PSG3: variants seen among roughly 807,000 people sequenced by gnomAD.
The protein encoded by PSG3 is pregnancy-specific beta-1-glycoprotein 3.
A neutral mutation model predicts 47.5 loss-of-function variants in PSG3; 61 were observed. That is an observed-to-expected ratio of 1.28 (90% confidence interval 1.05 to 1.59). The LOEUF is 1.59. PSG3 is among the 40% of genes most tolerant of loss of function. The pLI is 0.00. For missense variants in PSG3, 756 were observed against 524.0 expected, an observed-to-expected ratio of 1.44 and a Z score of -4.32; for synonymous variants, 263 against 198.4, an observed-to-expected ratio of 1.33 and a Z score of -2.74.
Position 42,729,143 on chromosome 19 carries a change from G to A in PSG3, c.1223C>T (p.Ser408Phe), listed in dbSNP as rs374603147. 3 of 1,614,018 alleles carry A rather than the reference G, an allele frequency of 1.9e-6. No homozygotes were observed. In the East Asian group the frequency reaches 6.7e-5, roughly 36 times the overall value. ...CTTACCAGAGACTTTGACTGTCATG[G>A]ATTTGGAGCTTTCCATGCCAGTGGC... ...NSATGMESSK[S>F]MTVKVSAPSG... Residue 408 changes from serine to phenylalanine, a missense_variant, in exon 5 of 7, where the codon TCC (serine) becomes TTC (phenylalanine). Coordinates refer to ENST00000327495, the MANE Select transcript of PSG3 (RefSeq NM_021016.4).
Position 42,739,081 on chromosome 19 carries a change from A to T in PSG3, c.73T>A (p.Leu25Ile), listed in dbSNP as rs754625817. The T allele has an allele frequency of 6.2e-7, 1 of 1,602,638 alleles. No individual in the cohort carries two copies. The highest frequency in any genetic ancestry group is 1.7e-5 in the Admixed American group (1 of 59,888). Residue 25 changes from leucine to isoleucine, a missense_variant, in exon 2 of 7, where the codon TTA (leucine) becomes ATA (isoleucine). Coordinates refer to ENST00000327495, the MANE Select transcript of PSG3 (RefSeq NM_021016.4). Reference protein sequence around the residue: ...WKGLLLTALLLNFWNLPTTAQ... With the variant: ...WKGLLLTALLINFWNLPTTAQ... ...GTGGTAGGCAAGTTCCAGAAGTTTA[A>T]AAGTAATGCTAGGAGGTGGAGAGAG...
At chr19:42,738,489 C>T (rs968950554) in intron 2 of PSG3, among the ~76,000 whole-genome samples, 3 of 152,174 alleles carry the variant, frequency 2.0e-5, no homozygotes, top group Non-Finnish European at 2.9e-5. Flanking sequence ...CTGCTGAGTC[C>T]CCCCATCAGA....
chr19:42,727,410 C>G (rs989006457), intron 5 of PSG3, among the ~76,000 whole-genome samples: 1 of 152,152 alleles, frequency 6.6e-6, no homozygotes, highest in Non-Finnish European at 1.5e-5. Context: ...AAGTCAACAA[C>G]AGCAAACATC....
At chr19:42,733,396 C>T (rs891062433) in intron 2 of PSG3, 29 of 364,548 alleles carry the variant, frequency 8.0e-5, no homozygotes, top group South Asian at 3.7e-4. Flanking sequence ...CCTTGTGGTC[C>T]TCACTTGGAG....
At chr19:42,736,691 A>T (rs1375447011) in intron 2 of PSG3, among the ~76,000 whole-genome samples, 1 of 149,324 alleles carries the variant, frequency 6.7e-6, no homozygotes, top group East Asian at 2.0e-4. Context: ...TCTGGCAATT[A>T]TAAGAGTGGA....
chr19:42,731,089 T>C (rs1969465788), intron 3 of PSG3, among the ~76,000 whole-genome samples: 1 of 152,180 alleles, frequency 6.6e-6, no homozygotes, highest in South Asian at 2.1e-4. Flanking sequence ...AGACTGCTGG[T>C]TGCCAGGAGC....
At chr19:42,736,405 A>G (rs1366049584) in intron 2 of PSG3, among the ~76,000 whole-genome samples, 1 of 152,160 alleles carries the variant, frequency 6.6e-6, no homozygotes, top group Non-Finnish European at 1.5e-5. Context: ...AAGCACAAAC[A>G]GATCATTTCC....
Position 42,732,766 on chromosome 19 carries a change from G to C in PSG3, c.709+18C>G, listed in dbSNP as rs1372280910. 3.1e-5 allele frequency: 50 copies of C among 1,614,072 alleles called. No homozygotes were observed. The highest frequency in any genetic ancestry group is 7.7e-5 in the South Asian group (7 of 91,080). The stretch of plus-strand genomic sequence containing the variant: ...TTGGGATGGCAGACTGGCTCACAGA[G>C]GAACAGGAGATACTCACGGAGGAGA... On this transcript the variant is annotated intron_variant, in intron 3 of 6. Transcript: ENST00000327495.
chr19:42,737,657 C>T (rs1969588472), intron 2 of PSG3, among the ~76,000 whole-genome samples: 1 of 152,120 alleles, frequency 6.6e-6, no homozygotes, highest in Non-Finnish European at 1.5e-5. Context: ...AGGATTTGAG[C>T]CAATAAATGA....
chr19:42,731,177 C>T (rs1280989405), intron 3 of PSG3, among the ~76,000 whole-genome samples: 1 of 152,164 alleles, frequency 6.6e-6, no homozygotes, highest in Non-Finnish European at 1.5e-5. Flanking sequence ...TAGAGATCTG[C>T]TGTAGAGCTT....
chr19:42,722,506 G>A (rs1040584403), intron 6 of PSG3, among the ~76,000 whole-genome samples: 45 of 152,088 alleles, frequency 3.0e-4, no homozygotes, highest in African/African-American at 9.9e-4. Context: ...CGCCCACCTC[G>A]GCCTCCCAAA....
Position 42,721,757 on chromosome 19 carries a change from A to G in PSG3, c.*374T>C, listed in dbSNP as rs1969303351. 5.0e-6 allele frequency: 2 copies of G among 400,232 alleles called. No individual in the cohort carries two copies. Among genetic ancestry groups the G allele is most frequent in the Non-Finnish European group, 4.5e-6 (1 of 222,580 alleles). The allele number at this position is 400,232 out of a possible 1,614,324, so 24.8% of individuals were successfully genotyped here. On this transcript the variant is annotated 3_prime_UTR_variant, in exon 7 of 7. Transcript: ENST00000327495. The stretch of plus-strand genomic sequence containing the variant: ...TGTTTCAATTTTTGTTTACAAAAGT[A>G]TACTTTACCAATTGCTGAAGAAAAA...
chr19:42,737,208 T>G (rs747603326), intron 2 of PSG3, among the ~76,000 whole-genome samples: 28 of 151,958 alleles, frequency 1.8e-4, no homozygotes, highest in Admixed American at 1.5e-3. Flanking sequence ...TGCTTTAGGG[T>G]CAAGAGGTAG....
intron 3 of PSG3, chr19:42,732,583 G>C: frequency 1.6e-6 from 2 of 1,280,254 alleles, no homozygotes; most frequent in Non-Finnish European, 2.2e-6. Context: ...AGTCTCCCAT[G>C]ACAGGAGCAG....
rs61479007 is a variant in PSG3, at chr19:42,736,612, T to TTGTG, written c.430+2108_430+2111dup. 5.8e-3 allele frequency among the ~76,000 whole-genome samples: 799 copies of TTGTG among 138,728 alleles called. 10 individuals carry two copies. Among genetic ancestry groups the TTGTG allele is most frequent in the African/African-American group, 0.019 (676 of 35,528 alleles). 91.0% of individuals were successfully genotyped at this position (138,728 alleles called of 152,430 possible). On this transcript the variant is annotated intron_variant, in intron 2 of 6. Coordinates refer to ENST00000327495, the MANE Select transcript of PSG3 (RefSeq NM_021016.4). ...ACTACAAACCACCATTTCAATACAT[T>TTGTG]TGTGTGTGTGTGTGTGTGTGTGTGT...
At chr19:42,735,905 T>C (rs1257123635) in intron 2 of PSG3, among the ~76,000 whole-genome samples, 1 of 152,100 alleles carries the variant, frequency 6.6e-6, no homozygotes, top group African/African-American at 2.4e-5. Flanking sequence ...CTCTGGTGAG[T>C]CAGTGCTAAG....
At chr19:42,739,747 T>C (rs535172280) in intron 1 of PSG3, among the ~76,000 whole-genome samples, 1 of 152,324 alleles carries the variant, frequency 6.6e-6, no homozygotes, top group Admixed American at 6.5e-5. Context: ...TTATTTGAAG[T>C]GTCATCTGAT....
intron 3 of PSG3, among the ~76,000 whole-genome samples, chr19:42,731,053 G>A (rs1402845437): frequency 1.3e-5 from 2 of 152,192 alleles, no homozygotes; most frequent in East Asian, 1.9e-4. Flanking sequence ...CCTCATGTAA[G>A]TGGATTCCAG....
At chr19:42,739,199 CACACACACACATACAA>C in intron 1 of PSG3, 110 bp from the exon 2 acceptor site, 1 of 1,389,838 alleles carries the variant, frequency 7.2e-7, no homozygotes, top group Non-Finnish European at 9.8e-7. Flanking sequence ...TGAAGAGACA[CACACACACACATACAA>C]ACACACACAC....
Sources: gnomAD v4.1 joint callset for allele counts (sites outside exome capture counted in the v4.1 genomes callset) on GRCh38, gnomAD v4.1.1 for gene constraint, MANE v1.5 for transcripts, NCBI Gene and HGNC (gene_info 2026-07-23, HGNC 2026-07-21) for gene names.